The following IFITM2 variants were observed in gnomAD, a reference collection of about 807,000 sequenced individuals.
IFITM2 encodes the protein interferon induced transmembrane protein 2, also known as interferon-induced transmembrane protein 2.
IFITM2 carries 3 observed loss-of-function variants against 5.9 expected under a neutral mutation model. The ratio of observed to expected loss-of-function variants is 0.51; its 90% CI spans 0.23 to 1.32. The LOEUF is 1.32. Among genes scored for constraint, IFITM2 ranks in the 40% most tolerant of loss-of-function variants. The pLI is 0.18. For synonymous variants in IFITM2, 76 were observed against 72.4 expected (o/e 1.05, Z -0.25); for missense variants, 159 against 175.9 (o/e 0.90, Z 0.54).
At position 309,068 on chromosome 11, in the gene IFITM2, C is replaced by T. The variant is rs747195667; in HGVS notation, c.302C>T (p.Thr101Ile). ...DVTGAQAYAS[T>I]AKCLNIWALI... ...ACCGGGGCCCAGGCCTATGCCTCCA[C>T]CGCCAAGTGCCTGAACATCTGGGCC... The change falls in exon 2 of 2, where the codon ACC (threonine) becomes ATC (isoleucine). Residue 101 changes from threonine to isoleucine, a missense_variant. By Grantham distance (89) the Thr-to-Ile change is moderately conservative. Coordinates refer to ENST00000616316, the MANE Select transcript of IFITM2 (RefSeq NM_006435.3). 2 of 1,614,214 alleles carry T rather than the reference C, an allele frequency of 1.2e-6. No individual in the cohort carries two copies. Among genetic ancestry groups the T allele is most frequent in the South Asian group, 1.1e-5 (1 of 91,086 alleles).
At position 308,432 on chromosome 11, in the gene IFITM2, C is replaced by T. The variant is rs185212737; in HGVS notation, c.240C>T (p.Ser80=). The change falls in exon 1 of 2, where the codon TCC becomes TCT. Residue 80 remains serine, a synonymous_variant. Coordinates refer to ENST00000616316, the MANE Select transcript of IFITM2 (RefSeq NM_006435.3). ...TGGGCTTCATAGCATTCGCGTACTCCGTGAAGGTGCGTATGGCCCTGGCGG... is the reference window on the plus strand; with the variant it reads ...TGGGCTTCATAGCATTCGCGTACTCTGTGAAGGTGCGTATGGCCCTGGCGG... ...CCLGFIAFAY[S]VKSRDRKMVG... The T allele has an allele frequency of 2.6e-5, 42 of 1,613,370 alleles. No individual in the cohort carries two copies. In the African/African-American group the frequency reaches 3.9e-4, roughly 15 times the overall value.
At chr11:308,835 T>TG in intron 1 of IFITM2, 178 bp from the exon 2 acceptor site, 1 of 872,622 alleles carries the variant, frequency 1.1e-6, no homozygotes, top group Non-Finnish European at 1.9e-6. Context: ...CAGCCTGTGC[T>TG]GGGGCCAAGG....
chr11:309,267 C>G lies in IFITM2; in HGVS notation c.*102C>G, dbSNP rs1352182491. ...TGCCCCCAGAGGCCAGGAGCTCTGC[C>G]CTTGACCTGTATTCCACTTACTCCA... On this transcript the variant is annotated 3_prime_UTR_variant, in exon 2 of 2. Coordinates refer to ENST00000616316, the MANE Select transcript of IFITM2 (RefSeq NM_006435.3). 2 of 1,604,720 alleles carry G rather than the reference C, an allele frequency of 1.2e-6. No individual in the cohort carries two copies. Among genetic ancestry groups the G allele is most frequent in the South Asian group, 2.2e-5 (2 of 89,692 alleles).
rs370983984 is a variant in IFITM2, at chr11:308,689, G to A, written c.246+251G>A. 60 of 731,522 alleles carry A rather than the reference G, an allele frequency of 8.2e-5. No homozygotes were observed. In the East Asian group the frequency reaches 1.4e-3, roughly 17 times the overall value. 45.3% of individuals were successfully genotyped at this position (731,522 alleles called of 1,614,324 possible). On this transcript the variant is annotated intron_variant, in intron 1 of 1. Coordinates refer to ENST00000616316, the MANE Select transcript of IFITM2 (RefSeq NM_006435.3). ...GCTGGCTGGCTCAGAGTCTGTCCCCGGCTATCCACTAGCCCAGAGCAGTTC... is the reference window on the plus strand; with the variant it reads ...GCTGGCTGGCTCAGAGTCTGTCCCCAGCTATCCACTAGCCCAGAGCAGTTC...
At position 307,982 on chromosome 11, in the gene IFITM2, A is replaced by G. The variant is rs1364395026; in HGVS notation, c.-211A>G. On this transcript the variant is annotated 5_prime_UTR_variant, in exon 1 of 2. Transcript: ENST00000616316. ...TGAGACTTGTGCTCCTTTGGGCTCT[A>G]GAGAGGAAGCCCCTCTTAGCCCTCA... 3 of 581,350 alleles carry G rather than the reference A, an allele frequency of 5.2e-6. No individual in the cohort carries two copies. The highest frequency in any genetic ancestry group is 5.8e-6 in the Non-Finnish European group (2 of 343,846). 36.0% of individuals were successfully genotyped at this position (581,350 alleles called of 1,614,324 possible).
rs767177864 is a variant in IFITM2, at chr11:309,096, G to A, written c.330G>A (p.Leu110=). The A allele has an allele frequency of 6.2e-7, 1 of 1,614,134 alleles. No individual in the cohort carries two copies. Among genetic ancestry groups the A allele is most frequent in the African/African-American group, 1.3e-5 (1 of 74,950 alleles). ...CCAAGTGCCTGAACATCTGGGCCCTGATTTTGGGCATCTTCATGACCATTC... is the reference window on the plus strand; with the variant it reads ...CCAAGTGCCTGAACATCTGGGCCCTAATTTTGGGCATCTTCATGACCATTC... ...STAKCLNIWA[L]ILGIFMTILL... Residue 110 remains leucine, a synonymous_variant, in exon 2 of 2, where the codon CTG becomes CTA. Coordinates refer to ENST00000616316, the MANE Select transcript of IFITM2 (RefSeq NM_006435.3).
rs1320253611 is a variant in IFITM2 at position 308,125 on chromosome 11, A to C, written c.-68A>C. On this transcript the variant is annotated 5_prime_UTR_variant, in exon 1 of 2. Coordinates refer to ENST00000616316, the MANE Select transcript of IFITM2 (RefSeq NM_006435.3). Reference sequence around the variant, plus strand: ...CCAGGAAGAGGAAACTGTTGAGAAAACGGAACTACTGGGGAAAGGGAGGGC... The same window carrying C: ...CCAGGAAGAGGAAACTGTTGAGAAACCGGAACTACTGGGGAAAGGGAGGGC... 15 of 1,578,824 alleles carry C rather than the reference A, an allele frequency of 9.5e-6. No individual in the cohort carries two copies. The East Asian group carries it at 2.5e-4, about 26-fold the overall frequency.
In IFITM2 at chr11:308,256, C is replaced by T; in HGVS notation, c.64C>T (p.Leu22Phe). ...CGGCCAGCCTCCCAACTACGAGATG[C>T]TCAAGGAGGAGCAGGAAGTGGCTAT... Reference protein sequence around the residue: ...NSGQPPNYEMLKEEQEVAMLG... With the variant: ...NSGQPPNYEMFKEEQEVAMLG... Residue 22 changes from leucine (L) to phenylalanine (F), a missense_variant, in exon 1 of 2, where the codon CTC becomes TTC. Leu to Phe is a conservative substitution (Grantham distance 22). Coordinates refer to ENST00000616316, the MANE Select transcript of IFITM2 (RefSeq NM_006435.3). 6.2e-7 allele frequency: 1 copy of T among 1,614,198 alleles called. No individual in the cohort carries two copies. The highest frequency in any genetic ancestry group is 8.5e-7 in the Non-Finnish European group (1 of 1,180,036).
rs1276022886 is a variant in IFITM2 at position 308,103 on chromosome 11, G to A, written c.-90G>A. The A allele has an allele frequency of 3.3e-6, 5 of 1,534,580 alleles. No homozygotes were observed. Among genetic ancestry groups the A allele is most frequent in the Non-Finnish European group, 3.6e-6 (4 of 1,125,032 alleles). ...CCAGCTCTGCATTTGACAAATGCCA[G>A]GAAGAGGAAACTGTTGAGAAAACGG... is the stretch of plus-strand genomic sequence containing the variant. On this transcript the variant is annotated 5_prime_UTR_variant, in exon 1 of 2. Coordinates refer to ENST00000616316, the MANE Select transcript of IFITM2 (RefSeq NM_006435.3).
chr11:309,170 G>A lies in IFITM2; in HGVS notation c.*5G>A, dbSNP rs1355380893. On this transcript the variant is annotated 3_prime_UTR_variant, in exon 2 of 2. Transcript: ENST00000616316. ...GTCGTCCAGGCCCAGCGATAGATCA[G>A]GAGGCATCATTGAGGCCAGGAGCTC... 4 of 1,614,198 alleles carry A rather than the reference G, an allele frequency of 2.5e-6. No homozygotes were observed. In the Admixed American group the frequency reaches 5.0e-5, roughly 20 times the overall value.
intron 1 of IFITM2, chr11:308,754 G>T: frequency 1.4e-6 from 1 of 717,968 alleles, no homozygotes. Context: ...TCACCTTCCA[G>T]ACTGGCACCC....
chr11:307,992 C>T lies in IFITM2; in HGVS notation c.-201C>T. The stretch of plus-strand genomic sequence containing the variant: ...GCTCCTTTGGGCTCTAGAGAGGAAG[C>T]CCCTCTTAGCCCTCAGCCCCTCTTT... On this transcript the variant is annotated 5_prime_UTR_variant, in exon 1 of 2. Transcript: ENST00000616316. The T allele has an allele frequency of 1.6e-6, 1 of 622,312 alleles. No individual in the cohort carries two copies. Among genetic ancestry groups the T allele is most frequent in the Non-Finnish European group, 2.7e-6 (1 of 369,226 alleles). 38.5% of individuals were successfully genotyped at this position (622,312 alleles called of 1,614,324 possible).
chr11:309,296 TC>T lies in IFITM2; in HGVS notation c.*133del. ...GACCTGTATTCCACTTACTCCACCT[TC>T]CATTCCTCGCCCTGTCCCCACAGCC... On this transcript the variant is annotated 3_prime_UTR_variant, in exon 2 of 2. Coordinates refer to ENST00000616316, the MANE Select transcript of IFITM2 (RefSeq NM_006435.3). The T allele has an allele frequency of 6.3e-7, 1 of 1,576,040 alleles. No individual in the cohort carries two copies. The highest frequency in any genetic ancestry group is 8.6e-7 in the Non-Finnish European group (1 of 1,160,166).
rs1385152555 is a variant in IFITM2 at position 308,126 on chromosome 11, C to T, written c.-67C>T. On this transcript the variant is annotated 5_prime_UTR_variant, in exon 1 of 2. In the 5' UTR this introduces an upstream ATG that the reference lacks. Coordinates refer to ENST00000616316, the MANE Select transcript of IFITM2 (RefSeq NM_006435.3). ...CAGGAAGAGGAAACTGTTGAGAAAA[C>T]GGAACTACTGGGGAAAGGGAGGGCT... 30 of 1,579,054 alleles carry T rather than the reference C, an allele frequency of 1.9e-5. No homozygotes were observed. Among genetic ancestry groups the T allele is most frequent in the Non-Finnish European group, 2.5e-5 (29 of 1,157,626 alleles).
Position 309,161 on chromosome 11 carries a change from G to C in IFITM2, c.395G>C (p.Arg132Pro). 1 of 1,614,166 alleles carries C rather than the reference G, an allele frequency of 6.2e-7. No individual in the cohort carries two copies. The highest frequency in any genetic ancestry group is 8.5e-7 in the Non-Finnish European group (1 of 1,180,032). The change falls in exon 2 of 2, where the codon CGA (arginine) becomes CCA (proline). Residue 132 changes from arginine (R) to proline (P), a missense_variant. Physicochemically the swap from Arg to Pro is moderately radical, Grantham distance 103 (BLOSUM62 -2). Coordinates refer to ENST00000616316, the MANE Select transcript of IFITM2 (RefSeq NM_006435.3). Reference sequence around the variant, plus strand: ...CCAGTGTTGGTCGTCCAGGCCCAGCGATAGATCAGGAGGCATCATTGAGGC... The same window carrying C: ...CCAGTGTTGGTCGTCCAGGCCCAGCCATAGATCAGGAGGCATCATTGAGGC... ...IIPVLVVQAQ[R>P]
At position 309,046 on chromosome 11, in the gene IFITM2, G is replaced by C. The variant is rs780682802; in HGVS notation, c.280G>C (p.Gly94Arg). Residue 94 changes from glycine to arginine, a missense_variant, in exon 2 of 2, where the codon GGG becomes CGG. Physicochemically the swap from Gly to Arg is moderately radical, Grantham distance 125. Transcript: ENST00000616316. The stretch of plus-strand genomic sequence containing the variant: ...CAGGAAGATGGTTGGCGACGTGACC[G>C]GGGCCCAGGCCTATGCCTCCACCGC... Reference protein sequence around the residue: ...RDRKMVGDVTGAQAYASTAKC... With the variant: ...RDRKMVGDVTRAQAYASTAKC... The C allele has an allele frequency of 3.1e-6, 5 of 1,614,022 alleles. No homozygotes were observed. The highest frequency in any genetic ancestry group is 1.3e-5 in the African/African-American group (1 of 74,924).
rs1278157289 is a variant in IFITM2, at chr11:309,193, C to T, written c.*28C>T. ...CAGGAGGCATCATTGAGGCCAGGAG[C>T]TCTGCCCGTGACCTGTATCCCACGT... On this transcript the variant is annotated 3_prime_UTR_variant, in exon 2 of 2. Transcript: ENST00000616316. 2.5e-6 allele frequency: 4 copies of T among 1,614,002 alleles called. No homozygotes were observed. The highest frequency in any genetic ancestry group is 3.4e-6 in the Non-Finnish European group (4 of 1,180,016).
rs147035874 is a variant in IFITM2 at position 309,261 on chromosome 11, C to T, written c.*96C>T. On this transcript the variant is annotated 3_prime_UTR_variant, in exon 2 of 2. Coordinates refer to ENST00000616316, the MANE Select transcript of IFITM2 (RefSeq NM_006435.3). ...TCGCCCTGCCCCCAGAGGCCAGGAG[C>T]TCTGCCCTTGACCTGTATTCCACTT... 2,970 of 1,607,696 alleles carry T rather than the reference C, an allele frequency of 1.8e-3. 13 individuals carry two copies. The East Asian group carries it at 0.019, about 10-fold the overall frequency.
In IFITM2 at chr11:308,426, G is replaced by T. The variant is rs1058964; in HGVS notation, c.234G>T (p.Ala78=). ...GCTGCCTGGGCTTCATAGCATTCGC[G>T]TACTCCGTGAAGGTGCGTATGGCCC... ...NTCCLGFIAF[A]YSVKSRDRKM... is the part of the protein sequence containing the mutation. The change falls in exon 1 of 2, where the codon GCG becomes GCT. Residue 78 remains alanine (A), a synonymous_variant. Transcript: ENST00000616316. The T allele has an allele frequency of 1.9e-6, 3 of 1,613,050 alleles. No homozygotes were observed. The African/African-American group carries it at 4.0e-5, about 22-fold the overall frequency.
Sources: allele counts gnomAD v4.1 joint callset, GRCh38; gene constraint gnomAD v4.1.1; transcripts MANE v1.5; gene names NCBI Gene and HGNC (gene_info 2026-07-23, HGNC 2026-07-21).